The following NANS variants were observed in gnomAD, a reference collection of about 807,000 sequenced individuals.
NANS encodes N-acetylneuraminate-9-phosphate synthase.
A neutral mutation model predicts 33.3 loss-of-function variants in NANS; 29 were observed. The ratio of observed to expected loss-of-function variants is 0.87; its 90% CI spans 0.65 to 1.19. The LOEUF (loss-of-function observed/expected upper bound fraction) is 1.19. Among genes scored for constraint, NANS ranks in the 50% most tolerant of loss-of-function variants. NANS has a pLI of 0.00. For synonymous variants in NANS, 163 were observed against 177.2 expected (o/e 0.92, Z 0.64); for missense variants, 394 against 461.1 (o/e 0.85, Z 1.33).
chr9:98,078,340 T>G lies in NANS; in HGVS notation c.596T>G (p.Val199Gly), dbSNP rs760730959. ...PLQPEDVNLR[V>G]ISEYQKLFPD... ...CAGCCTGAGGACGTCAACCTGCGGGTCATCTCGGTGAGCAGGAGGGAGGGG... is the reference window on the plus strand; with the variant it reads ...CAGCCTGAGGACGTCAACCTGCGGGGCATCTCGGTGAGCAGGAGGGAGGGG... Residue 199 changes from valine (V) to glycine (G), a missense_variant, in exon 4 of 6, where the codon GTC becomes GGC. By Grantham distance (109) the Val-to-Gly change is moderately radical. Coordinates refer to ENST00000210444, the MANE Select transcript of NANS (RefSeq NM_018946.4). 6.2e-7 allele frequency: 1 copy of G among 1,613,866 alleles called. No homozygotes were observed. The highest frequency in any genetic ancestry group is 1.3e-5 in the African/African-American group (1 of 74,998).
In NANS at chr9:98,056,828, T is replaced by C. The variant is rs544262885; in HGVS notation, c.20T>C (p.Leu7Pro). Reference protein sequence around the residue: MPLELELCPGRWVGGQH... With the variant: MPLELEPCPGRWVGGQH... ...GCTGCAATGCCGCTGGAGCTGGAGC[T>C]GTGTCCCGGGCGCTGGGTGGGCGGG... The change falls in exon 1 of 6, where the codon CTG becomes CCG. Residue 7 changes from leucine (L) to proline (P), a missense_variant. Coordinates refer to ENST00000210444, the MANE Select transcript of NANS (RefSeq NM_018946.4). The C allele has an allele frequency of 6.2e-7, 1 of 1,611,342 alleles. No individual in the cohort carries two copies. The highest frequency in any genetic ancestry group is 8.5e-7 in the Non-Finnish European group (1 of 1,179,060).
intron 2 of NANS, among the ~76,000 whole-genome samples, chr9:98,073,474 G>A (rs545225771): frequency 3.3e-5 from 5 of 151,122 alleles, no homozygotes; most frequent in Admixed American, 6.6e-5. Context: ...TAGTAGAGGC[G>A]GGGTTTCACC....
At chr9:98,073,907 C>T (rs745777244) in intron 2 of NANS, among the ~76,000 whole-genome samples, 26 of 152,172 alleles carry the variant, frequency 1.7e-4, no homozygotes, top group Non-Finnish European at 2.9e-4. Flanking sequence ...CCACTTCAGC[C>T]TCCTGAGTAG....
chr9:98,073,445 G>A (rs1475906407), intron 2 of NANS, among the ~76,000 whole-genome samples: 1 of 151,322 alleles, frequency 6.6e-6, no homozygotes, highest in Non-Finnish European at 1.5e-5. Flanking sequence ...CCAACACGCC[G>A]GGCTAATTTT....
At chr9:98,067,922 A>G (rs1430954186) in intron 2 of NANS, among the ~76,000 whole-genome samples, 1 of 152,074 alleles carries the variant, frequency 6.6e-6, no homozygotes, top group Non-Finnish European at 1.5e-5. Context: ...AGATCTCACT[A>G]TGTAGCCCAG....
intron 2 of NANS, among the ~76,000 whole-genome samples, chr9:98,074,381 C>T (rs1485791433): frequency 6.6e-6 from 1 of 152,136 alleles, no homozygotes; most frequent in South Asian, 2.1e-4. Flanking sequence ...AACCCGATAG[C>T]ACGGTCGGCA....
chr9:98,079,651 CCA>C (rs1829760494), intron 4 of NANS, among the ~76,000 whole-genome samples: 1 of 152,190 alleles, frequency 6.6e-6, no homozygotes, highest in African/African-American at 2.4e-5. Flanking sequence ...CACTCCCATC[CCA>C]CAGAGATTCC....
At chr9:98,061,694 C>T (rs937161141) in intron 2 of NANS, among the ~76,000 whole-genome samples, 4 of 150,506 alleles carry the variant, frequency 2.7e-5, no homozygotes, top group Admixed American at 6.6e-5. Flanking sequence ...GCAGGAGAAT[C>T]GCTTGAACCT....
At chr9:98,079,947 C>T (rs1829778246) in intron 4 of NANS, among the ~76,000 whole-genome samples, 1 of 152,266 alleles carries the variant, frequency 6.6e-6, no homozygotes, top group African/African-American at 2.4e-5. Flanking sequence ...GACACCGTGG[C>T]TCATGCCAGT....
intron 5 of NANS, among the ~76,000 whole-genome samples, chr9:98,082,476 G>A (rs1829915977): frequency 6.6e-6 from 1 of 152,192 alleles, no homozygotes; most frequent in South Asian, 2.1e-4. Flanking sequence ...AGCATTCTAT[G>A]TTCCACGTAC....
chr9:98,075,690 C>T (rs1829560295), intron 2 of NANS: 1 of 152,030 alleles, frequency 6.6e-6, no homozygotes, highest in Admixed American at 6.6e-5. Context: ...TTTTGATTTC[C>T]AACTTCAAAA....
intron 2 of NANS, 99 bp downstream of exon 2, chr9:98,061,096 C>T (rs1828961998): frequency 1.0e-5 from 12 of 1,161,470 alleles, no homozygotes; most frequent in Non-Finnish European, 1.5e-5. Context: ...AGCCCTTGCT[C>T]ATCCTTTCTG....
intron 2 of NANS, among the ~76,000 whole-genome samples, chr9:98,062,326 C>T (rs1474520579): frequency 1.3e-5 from 2 of 152,066 alleles, no homozygotes; most frequent in Non-Finnish European, 2.9e-5. Context: ...GAATGGCTCA[C>T]AGGATGGTCA....
Position 98,080,993 on chromosome 9 carries a change from G to T in NANS, c.781G>T (p.Glu261Ter). 1 of 1,614,210 alleles carries T rather than the reference G, an allele frequency of 6.2e-7. No homozygotes were observed. The highest frequency in any genetic ancestry group is 8.5e-7 in the Non-Finnish European group (1 of 1,180,046). The change falls in exon 5 of 6, where the codon GAG (glutamate) becomes TAG (stop). Residue 261 changes from glutamate to a stop codon, truncating the protein, a stop_gained. Transcript: ENST00000210444. LOFTEE classifies it high-confidence loss of function. ...CTCGCTGGAGCCTGGAGAACTGGCC[G>T]AGCTGGTGCGGTCAGTGCGTCTTGT... ...SASLEPGELA[E>*]LVRSVRLVER...
rs1451908980 is a variant in NANS, at chr9:98,080,822, CAGA to C, written c.613_615del (p.Lys205del). ...TTCTTTTTCCATTTTAAAGGAATAT[CAGA>C]AGCTCTTTCCTGACATTCCCATAGG... On this transcript the variant is annotated inframe_deletion, in exon 5 of 6. Transcript: ENST00000210444. 1 of 1,576,598 alleles carries C rather than the reference CAGA, an allele frequency of 6.3e-7. No homozygotes were observed.
intron 3 of NANS, among the ~76,000 whole-genome samples, chr9:98,077,380 T>TC (rs1300255203): frequency 1.3e-5 from 2 of 151,930 alleles, no homozygotes. Context: ...AAGAATTTTT[T>TC]TTTTTTTTTA....
At chr9:98,078,396 A>G (rs755273425) in intron 4 of NANS, 49 bp downstream of exon 4, 33 of 1,576,384 alleles carry the variant, frequency 2.1e-5, no homozygotes, top group Non-Finnish European at 2.8e-5. Flanking sequence ...ACTATGGGGA[A>G]GGCGTAGTCT....
At chr9:98,070,710 G>A (rs575287098) in intron 2 of NANS, among the ~76,000 whole-genome samples, 7 of 152,072 alleles carry the variant, frequency 4.6e-5, no homozygotes, top group Admixed American at 2.6e-4. Context: ...ATGAGCCATC[G>A]CGCCTGGTCA....
At chr9:98,082,800 T>C (rs1304165494) in intron 5 of NANS, 46 bp from the exon 6 acceptor site, 1 of 1,574,976 alleles carries the variant, frequency 6.3e-7, no homozygotes, top group South Asian at 1.1e-5. Flanking sequence ...TAGTGTGCAC[T>C]AGTTACTTCT....
Sources: gnomAD v4.1 joint callset for allele counts (sites outside exome capture counted in the v4.1 genomes callset) on GRCh38, gnomAD v4.1.1 for gene constraint, MANE v1.5 for transcripts, NCBI Gene and HGNC (gene_info 2026-07-23, HGNC 2026-07-21) for gene names.